The following NCALD variants were observed in gnomAD, a reference collection of about 807,000 sequenced individuals.
The protein encoded by NCALD is neurocalcin-delta.
A neutral mutation model predicts 18.6 loss-of-function variants in NCALD; 10 were observed. The observed-to-expected ratio is 0.54, with a 90% confidence interval of 0.33 to 0.91. The LOEUF is 0.91. Among genes scored for constraint, NCALD ranks in the 40% least tolerant of loss-of-function variants. The pLI is 0.03. For synonymous variants in NCALD, 88 were observed against 87.4 expected, an observed-to-expected ratio of 1.01 and a Z score of -0.04; for missense variants, 184 against 247.6, an observed-to-expected ratio of 0.74 and a Z score of 1.72.
intron 4 of NCALD, among the ~76,000 whole-genome samples, chr8:101,804,337 AAT>A (rs201000461): frequency 0.12 from 4,342 of 35,324 alleles, 415 homozygotes; most frequent in East Asian, 0.51. Flanking sequence ...TAATTATATC[AAT>A]TATATATTAT....
At chr8:101,974,708 C>T (rs1344630936) in intron 2 of NCALD, among the ~76,000 whole-genome samples, 1 of 152,112 alleles carries the variant, frequency 6.6e-6, no homozygotes, top group African/African-American at 2.4e-5. Context: ...GTGTTCAAAA[C>T]AGCAATAAAA....
intron 4 of NCALD, among the ~76,000 whole-genome samples, chr8:101,832,560 C>T (rs1338105049): frequency 1.3e-5 from 2 of 152,146 alleles, no homozygotes; most frequent in Non-Finnish European, 2.9e-5. Flanking sequence ...TTTATAGTCT[C>T]ATTTACAGTG....
intron 2 of NCALD, among the ~76,000 whole-genome samples, chr8:101,972,523 T>C (rs1176327684): frequency 6.6e-6 from 1 of 152,146 alleles, no homozygotes; most frequent in African/African-American, 2.4e-5. Flanking sequence ...CTGAAGATAA[T>C]TTCTGCAGGA....
At chr8:101,963,805 G>C (rs944321270) in intron 2 of NCALD, among the ~76,000 whole-genome samples, 1 of 152,132 alleles carries the variant, frequency 6.6e-6, no homozygotes, top group Non-Finnish European at 1.5e-5. Context: ...ATCTCAGGAA[G>C]AGAGAAACCA....
intron 2 of NCALD, among the ~76,000 whole-genome samples, chr8:101,920,908 C>T (rs1818142226): frequency 6.6e-6 from 1 of 152,132 alleles, no homozygotes; most frequent in Non-Finnish European, 1.5e-5. Context: ...CTAACTGACG[C>T]AGTCCATGTA....
At chr8:102,101,499 A>G (rs17416694) in intron 1 of NCALD, among the ~76,000 whole-genome samples, 9,357 of 152,338 alleles carry the variant, frequency 0.061, 425 homozygotes, top group Non-Finnish European at 0.093. Flanking sequence ...TAGCTTGTGC[A>G]GGCAATTATT....
intron 2 of NCALD, among the ~76,000 whole-genome samples, chr8:101,958,494 AG>A (rs930833796): frequency 3.3e-5 from 5 of 152,106 alleles, no homozygotes; most frequent in African/African-American, 1.2e-4. Flanking sequence ...TAAAGGACTG[AG>A]GGGGCTACAT....
At chr8:102,080,764 G>T (rs563458949) in intron 1 of NCALD, among the ~76,000 whole-genome samples, 1 of 152,218 alleles carries the variant, frequency 6.6e-6, no homozygotes, top group Admixed American at 6.5e-5. Context: ...AAGGGCTGGC[G>T]TGTGTCATAC....
chr8:102,091,663 T>C (rs537946488), intron 1 of NCALD, among the ~76,000 whole-genome samples: 95 of 152,374 alleles, frequency 6.2e-4, no homozygotes, highest in Non-Finnish European at 1.3e-3. Flanking sequence ...AGTGCTGTTG[T>C]ACTCTGTGTA....
chr8:101,700,220 C>T (rs1815196478), intron 2 of NCALD, among the ~76,000 whole-genome samples: 1 of 151,904 alleles, frequency 6.6e-6, no homozygotes, highest in Non-Finnish European at 1.5e-5. Context: ...ACCACCACGC[C>T]CAGTTAATTT....
At chr8:101,744,857 C>T (rs952364876) in intron 1 of NCALD, among the ~76,000 whole-genome samples, 1 of 151,940 alleles carries the variant, frequency 6.6e-6, no homozygotes, top group African/African-American at 2.4e-5. Context: ...CCTGGAAAGC[C>T]AAGGGATCAA....
At chr8:101,892,840 C>T (rs1329959109) in intron 3 of NCALD, among the ~76,000 whole-genome samples, 2 of 149,484 alleles carry the variant, frequency 1.3e-5, no homozygotes, top group East Asian at 1.9e-4. Context: ...ATAAGCAAAG[C>T]CTCCAAGAAA....
At chr8:101,764,813 G>A (rs1354873781) in intron 1 of NCALD, among the ~76,000 whole-genome samples, 1 of 152,110 alleles carries the variant, frequency 6.6e-6, no homozygotes, top group African/African-American at 2.4e-5. Context: ...TTTCATGCAG[G>A]GAAACAGATG....
intron 2 of NCALD, among the ~76,000 whole-genome samples, chr8:101,921,005 G>C (rs1204884336): frequency 6.6e-6 from 1 of 152,156 alleles, no homozygotes; most frequent in Non-Finnish European, 1.5e-5. Context: ...GGTATCAAAA[G>C]AACTGAATGA....
chr8:101,994,608 C>A (rs1256745464), intron 2 of NCALD, among the ~76,000 whole-genome samples: 1 of 152,244 alleles, frequency 6.6e-6, no homozygotes, highest in African/African-American at 2.4e-5. Flanking sequence ...TGAGGAGAAG[C>A]AGCAGGGCAA....
At chr8:101,877,359 C>G (rs1248145294) in intron 4 of NCALD, among the ~76,000 whole-genome samples, 3 of 152,130 alleles carry the variant, frequency 2.0e-5, no homozygotes, top group Non-Finnish European at 2.9e-5. Context: ...CCAGGTTACC[C>G]AGCATTCCCT....
rs138133571 is a variant in NCALD at position 102,070,846 on chromosome 8, C to T, written c.-209-50557G>A. On this transcript the variant is annotated intron_variant, in intron 1 of 6. Coordinates refer to the NCALD transcript ENST00000311028. ...CTGCTTACCGGGAAAAGACCATCACCCATTCACATAAGCCCTCATCCTCAC... is the reference window on the plus strand; with the variant it reads ...CTGCTTACCGGGAAAAGACCATCACTCATTCACATAAGCCCTCATCCTCAC... Among the ~76,000 whole-genome samples the T allele has an allele frequency of 6.9e-3, 1,047 of 152,286 alleles. 7 individuals carry two copies. Among genetic ancestry groups the T allele is most frequent in the Middle Eastern group, 0.027 (8 of 292 alleles).
chr8:101,691,706 G>A, intron 3 of NCALD: 1 of 985,418 alleles, frequency 1.0e-6, no homozygotes, highest in Non-Finnish European at 1.2e-6. Context: ...GAGGAAACAA[G>A]CAAGCAGACA....
At chr8:101,726,095 C>G (rs943922069) in intron 1 of NCALD, among the ~76,000 whole-genome samples, 1 of 152,016 alleles carries the variant, frequency 6.6e-6, no homozygotes, top group African/African-American at 2.4e-5. Context: ...GCAAGCCTAG[C>G]AAGATCCAGG....
Sources: gnomAD v4.1 joint callset for allele counts (sites outside exome capture counted in the v4.1 genomes callset) on GRCh38, gnomAD v4.1.1 for gene constraint, MANE v1.5 for transcripts, NCBI Gene and HGNC (gene_info 2026-07-23, HGNC 2026-07-21) for gene names.